The following EARS2 variants were observed in gnomAD, a reference collection of about 807,000 sequenced individuals.
The protein encoded by EARS2 is glutamyl-tRNA synthetase 2, mitochondrial.
EARS2 carries 50 observed loss-of-function variants against 54.1 expected under a neutral mutation model. The ratio of observed to expected loss-of-function variants is 0.92; its 90% CI spans 0.74 to 1.17. The LOEUF (loss-of-function observed/expected upper bound fraction) is 1.17, where lower values mean the gene tolerates loss of function less well. EARS2 is among the 50% of genes most tolerant of loss of function. The probability of loss-of-function intolerance (pLI) is 0.00; values close to 1 mark genes in which losing one functional copy is unlikely to be tolerated. For synonymous variants in EARS2, 298 were observed against 281.0 expected, an observed-to-expected ratio of 1.06 and a Z score of -0.61; for missense variants, 673 against 675.0, an observed-to-expected ratio of 1.00 and a Z score of 0.03.
chr16:23,546,144 A>G (rs1252260659), intron 2 of EARS2, among the ~76,000 whole-genome samples: 1 of 152,218 alleles, frequency 6.6e-6, no homozygotes, highest in Non-Finnish European at 1.5e-5. Flanking sequence ...TATAGAATAG[A>G]TTAAATATGA....
In EARS2 at chr16:23,544,565, T is replaced by C. The variant is rs1874935931; in HGVS notation, c.434A>G (p.Gln145Arg). ...CTCCTTCTTCAGGAGCTCCAGCCGC[T>C]GGGGTGAGCAGAAACAGGGGTAAGC... ...GAAYPCFCSP[Q>R]RLELLKKEAL... The change falls in exon 3 of 9, where the codon CAG (glutamine) becomes CGG (arginine). Residue 145 changes from glutamine (Q) to arginine (R), a missense_variant. Physicochemically the swap from Gln to Arg is conservative, Grantham distance 43. Around this residue, in one of 3 missense-constraint regions of EARS2, gnomAD observed 316 missense variants for 275.2 expected, o/e 1.15. Coordinates refer to ENST00000449606, the MANE Select transcript of EARS2 (RefSeq NM_001083614.2). 1 of 1,614,158 alleles carries C rather than the reference T, an allele frequency of 6.2e-7. No homozygotes were observed. The highest frequency in any genetic ancestry group is 8.5e-7 in the Non-Finnish European group (1 of 1,180,014).
Position 23,551,402 on chromosome 16 carries a change from G to A in EARS2, c.295+747C>T, listed in dbSNP as rs543629103. Among the ~76,000 whole-genome samples the A allele has an allele frequency of 1.9e-3, 282 of 152,200 alleles. 3 individuals carry two copies. The highest frequency in any genetic ancestry group is 6.7e-3 in the African/African-American group (279 of 41,514). On this transcript the variant is annotated intron_variant, in intron 2 of 8. Coordinates refer to ENST00000449606, the MANE Select transcript of EARS2 (RefSeq NM_001083614.2). ...AGGCTGTAGCAGGAGGATTGCTTGAGCCCAGGAGTTTGAGAATAGCTTGGG... is the reference window on the plus strand; with the variant it reads ...AGGCTGTAGCAGGAGGATTGCTTGAACCCAGGAGTTTGAGAATAGCTTGGG...
At chr16:23,546,420 G>A in intron 2 of EARS2, 1 of 455,942 alleles carries the variant, frequency 2.2e-6, no homozygotes, top group Non-Finnish European at 4.4e-6. Context: ...ATCTTTCTGG[G>A]CTCTGGGTTC....
chr16:23,547,754 A>G (rs371451973), intron 2 of EARS2, among the ~76,000 whole-genome samples: 5 of 152,092 alleles, frequency 3.3e-5, no homozygotes, highest in African/African-American at 9.6e-5. Flanking sequence ...CCGCCTGCCC[A>G]GACAAGAGCC....
At chr16:23,539,553 T>C (rs1369298390) in intron 3 of EARS2, among the ~76,000 whole-genome samples, 2 of 152,194 alleles carry the variant, frequency 1.3e-5, no homozygotes, top group African/African-American at 2.4e-5. Flanking sequence ...AGCTGTCTGA[T>C]TTGCTTTCGC....
chr16:23,547,751 C>A (rs1164203702), intron 2 of EARS2, among the ~76,000 whole-genome samples: 4 of 152,186 alleles, frequency 2.6e-5, no homozygotes, highest in Admixed American at 2.0e-4. Context: ...GATCCGCCTG[C>A]CCAGACAAGA....
rs1965190077 is a variant in EARS2, at chr16:23,524,428, C to T, written c.1515G>A (p.Met505Ile). The T allele has an allele frequency of 1.9e-6, 3 of 1,614,060 alleles. No homozygotes were observed. The South Asian group carries it at 3.3e-5, about 18-fold the overall frequency. Residue 505 changes from methionine (M) to isoleucine (I), a missense_variant, in exon 9 of 9, where the codon ATG becomes ATA. Met to Ile is a conservative substitution (Grantham distance 10, BLOSUM62 1). This residue lies in a region of EARS2 where 338 missense variants were observed against 361.2 expected (regional missense o/e 0.94). Coordinates refer to ENST00000449606, the MANE Select transcript of EARS2 (RefSeq NM_001083614.2). ...QQQGPPVAEM[M>I]LALGPKEVRE... ...GTACTTCCTTTGGTCCCAAGGCCAA[C>T]ATCATCTCAGCTACAGGAGGTCCTT...
At chr16:23,536,657 G>A (rs1597014798) in intron 3 of EARS2, among the ~76,000 whole-genome samples, 1 of 143,188 alleles carries the variant, frequency 7.0e-6, no homozygotes, top group East Asian at 2.1e-4. Flanking sequence ...GCGAGACCCT[G>A]TCTCAAAAAA....
intron 7 of EARS2, 94 bp from the exon 8 acceptor site, chr16:23,525,473 C>A (rs149493890): frequency 3.0e-6 from 4 of 1,347,906 alleles, no homozygotes; most frequent in Non-Finnish European, 3.1e-6. Flanking sequence ...AGCTACAGTA[C>A]GAGCAGCACA....
Position 23,552,141 on chromosome 16 carries a change from A to G in EARS2, c.295+8T>C. 1 of 1,611,350 alleles carries G rather than the reference A, an allele frequency of 6.2e-7. No homozygotes were observed. The highest frequency in any genetic ancestry group is 8.5e-7 in the Non-Finnish European group (1 of 1,177,866). On this transcript the variant is annotated splice_region_variant and intron_variant, in intron 2 of 8. Transcript: ENST00000449606. ...CCTGCAGAAAGATCCTTTCTCTGCC[A>G]GGCTTACCTGCCCACTCCAGCATGT...
At chr16:23,534,378 C>CTT (rs886980419) in intron 4 of EARS2, among the ~76,000 whole-genome samples, 2 of 152,230 alleles carry the variant, frequency 1.3e-5, no homozygotes, top group Admixed American at 1.3e-4. Flanking sequence ...GGGTCTAAGT[C>CTT]TTGGACCATG....
intron 2 of EARS2, among the ~76,000 whole-genome samples, chr16:23,546,600 G>C (rs892783942): frequency 6.6e-6 from 1 of 152,212 alleles, no homozygotes; most frequent in African/African-American, 2.4e-5. Flanking sequence ...CTGTTGCCCA[G>C]GTTGGAGTGC....
chr16:23,547,670 A>C (rs1282654904), intron 2 of EARS2, among the ~76,000 whole-genome samples: 2 of 151,772 alleles, frequency 1.3e-5, no homozygotes. Flanking sequence ...ACGCCCAACT[A>C]ATTTTTGTAT....
intron 2 of EARS2, among the ~76,000 whole-genome samples, chr16:23,550,192 C>A (rs1965670470): frequency 6.6e-6 from 1 of 151,798 alleles, no homozygotes; most frequent in Admixed American, 6.6e-5. Flanking sequence ...AAGACCCTAC[C>A]TCTACAAAAA....
At chr16:23,525,517 G>C in intron 7 of EARS2, 138 bp from the exon 8 acceptor site, 2 of 1,003,372 alleles carry the variant, frequency 2.0e-6, no homozygotes, top group Non-Finnish European at 2.9e-6. Context: ...GGGAGGTGAG[G>C]AAGATATTGA....
chr16:23,548,182 C>T lies in EARS2; in HGVS notation c.296-3479G>A, dbSNP rs558261823. Among the ~76,000 whole-genome samples the T allele has an allele frequency of 1.6e-3, 243 of 150,574 alleles. 2 individuals carry two copies. The highest frequency in any genetic ancestry group is 5.8e-3 in the African/African-American group (236 of 41,020). On this transcript the variant is annotated intron_variant, in intron 2 of 8. Transcript: ENST00000449606. The stretch of plus-strand genomic sequence containing the variant: ...CCGGGAGGTGGAGCTTGCAGTGAGC[C>T]GAGATCGCACCACTGCACTCCAGCC...
chr16:23,534,569 C>T (rs1448583122), intron 4 of EARS2, among the ~76,000 whole-genome samples: 1 of 152,068 alleles, frequency 6.6e-6, no homozygotes, highest in Non-Finnish European at 1.5e-5. Context: ...GGGCTGGGTA[C>T]CTTACACTCC....
Position 23,544,519 on chromosome 16 carries a change from C to T in EARS2, c.480G>A (p.Thr160=), listed in dbSNP as rs754396141. 14 of 1,613,070 alleles carry T rather than the reference C, an allele frequency of 8.7e-6. No homozygotes were observed. The African/African-American group carries it at 9.3e-5, about 11-fold the overall frequency. ...LKKEALRNHQ[T]PRYDNRCRNM... Reference sequence around the variant, plus strand: ...CAACAAGCTGAGGTTCTTACCGGGGCGTCTGGTGGTTCCGCAAGGCCTCCT... The same window carrying T: ...CAACAAGCTGAGGTTCTTACCGGGGTGTCTGGTGGTTCCGCAAGGCCTCCT... Residue 160 remains threonine, a synonymous_variant, in exon 3 of 9, where the codon ACG becomes ACA. Coordinates refer to ENST00000449606, the MANE Select transcript of EARS2 (RefSeq NM_001083614.2).
chr16:23,550,357 ATT>A (rs1380520617), intron 2 of EARS2, among the ~76,000 whole-genome samples: 5 of 146,448 alleles, frequency 3.4e-5, no homozygotes, highest in Admixed American at 6.9e-5. Flanking sequence ...ACAGAGCAAG[ATT>A]TTGTTTGTTA....
Sources: gnomAD v4.1 joint callset for allele counts (sites outside exome capture counted in the v4.1 genomes callset) on GRCh38, gnomAD v4.1.1 for gene constraint, gnomAD v4.1.1 regional missense constraint, MANE v1.5 for transcripts, NCBI Gene and HGNC (gene_info 2026-07-23, HGNC 2026-07-21) for gene names.